ERCC8: variants seen among roughly 807,000 people sequenced by gnomAD.
The protein encoded by ERCC8 is ERCC excision repair 8, CSA ubiquitin ligase complex subunit, also known as DNA excision repair protein ERCC-8.
In ERCC8, 52 loss-of-function variants were observed where a neutral mutation model predicts 54.9. That is an observed-to-expected ratio of 0.95 (90% confidence interval 0.76 to 1.19). The LOEUF is 1.19. Ranked by LOEUF, ERCC8 falls within the 50% of genes most tolerant of loss-of-function variation. ERCC8 has a pLI of 0.00. For synonymous variants in ERCC8, 146 were observed against 157.2 expected (o/e 0.93, Z 0.53); for missense variants, 514 against 466.1 (o/e 1.10, Z -0.95).
At chr5:60,898,000 C>CA (rs1748767309) in intron 9 of ERCC8, among the ~76,000 whole-genome samples, 1 of 152,078 alleles carries the variant, frequency 6.6e-6, no homozygotes, top group Non-Finnish European at 1.5e-5. Flanking sequence ...CAGTAGTCCT[C>CA]AGTCTTTTAT....
intron 4 of ERCC8, among the ~76,000 whole-genome samples, chr5:60,908,593 T>TTTTA (rs1554073819): frequency 3.4e-5 from 5 of 148,862 alleles, no homozygotes; most frequent in Admixed American, 1.3e-4. Flanking sequence ...ATTTTTTTTT[T>TTTTA]AAATAATGGC....
rs143147836 is a variant in ERCC8 at position 60,874,645 on chromosome 5, A to G, written c.1161T>C (p.Asp387=). 1.2e-6 allele frequency: 2 copies of G among 1,613,306 alleles called. No homozygotes were observed. The change falls in exon 12 of 12, where the codon GAT becomes GAC. Residue 387 remains aspartate, a synonymous_variant. Coordinates refer to ENST00000676185, the MANE Select transcript of ERCC8 (RefSeq NM_000082.4). ...CTTCTTCATCACTGCTGCTCCAGGC[A>G]TCTTCAAAGGCCGGATTTAATTGTG... The part of the protein sequence containing the change: ...TKSQLNPAFE[D]AWSSSDEEG
intron 11 of ERCC8, among the ~76,000 whole-genome samples, chr5:60,884,521 G>GT: frequency 1.3e-5 from 1 of 75,062 alleles, no homozygotes; most frequent in East Asian, 4.7e-4. Flanking sequence ...ATGTGTGTAT[G>GT]TGTTTTTTTT....
chr5:60,918,105 A>G, intron 4 of ERCC8, 160 bp downstream of exon 4: 3 of 630,830 alleles, frequency 4.8e-6, no homozygotes, highest in East Asian at 5.8e-5. Context: ...TCAGCAGCAC[A>G]GCCAGGATAT....
At chr5:60,899,816 G>A in intron 7 of ERCC8, 89 bp from the exon 8 acceptor site, 1 of 949,646 alleles carries the variant, frequency 1.1e-6, no homozygotes, top group East Asian at 2.4e-5. Context: ...GGCACACAGA[G>A]GTCTCGTTAT....
intron 4 of ERCC8, among the ~76,000 whole-genome samples, chr5:60,915,807 T>C (rs1425784134): frequency 1.3e-5 from 2 of 151,982 alleles, no homozygotes. Flanking sequence ...CTAGGATAAT[T>C]CAGTATTATC....
At chr5:60,938,037 A>G (rs1750122409) in intron 1 of ERCC8, among the ~76,000 whole-genome samples, 1 of 16,198 alleles carries the variant, frequency 6.2e-5, no homozygotes, top group Non-Finnish European at 1.4e-4. Flanking sequence ...ACATACATAC[A>G]TACATACATA....
intron 4 of ERCC8, among the ~76,000 whole-genome samples, chr5:60,905,244 G>A (rs1181640328): frequency 1.3e-5 from 2 of 151,552 alleles, no homozygotes; most frequent in African/African-American, 4.8e-5. Flanking sequence ...CACCCAGGAC[G>A]CTGTCACTAC....
chr5:60,905,877 G>C (rs77082648), intron 4 of ERCC8, among the ~76,000 whole-genome samples: 9 of 152,220 alleles, frequency 5.9e-5, no homozygotes, highest in East Asian at 1.9e-4. Flanking sequence ...GAAGGGGTGG[G>C]AGTGGTTAGA....
chr5:60,898,217 T>G, intron 9 of ERCC8, 59 bp downstream of exon 9: 13 of 1,535,800 alleles, frequency 8.5e-6, no homozygotes, highest in South Asian at 1.1e-5. Context: ...AAAAATCAAG[T>G]GTATGTCACA....
chr5:60,907,031 G>GCTCT lies in ERCC8; in HGVS notation c.400-2162_400-2159dup, dbSNP rs1561505497. 2.6e-5 allele frequency among the ~76,000 whole-genome samples: 4 copies of GCTCT among 152,178 alleles called. No individual in the cohort carries two copies. In the South Asian group the frequency reaches 8.3e-4, roughly 31 times the overall value. ...TGAGCCCAGACTTAGCCAATCCCTTGCTCTCCTCAGGTAAAAAATCTTATA... is the reference window on the plus strand; with the variant it reads ...TGAGCCCAGACTTAGCCAATCCCTTGCTCTCTCTCCTCAGGTAAAAAATCTTATA... On this transcript the variant is annotated intron_variant, in intron 4 of 11. Transcript: ENST00000676185.
chr5:60,885,007 A>T (rs1263624111), intron 11 of ERCC8, among the ~76,000 whole-genome samples: 1 of 148,696 alleles, frequency 6.7e-6, no homozygotes, highest in East Asian at 1.9e-4. Context: ...CATCAGTCAC[A>T]TATTATCTTT....
At chr5:60,902,936 T>C (rs1267494379) in intron 6 of ERCC8, among the ~76,000 whole-genome samples, 2 of 151,996 alleles carry the variant, frequency 1.3e-5, no homozygotes, top group African/African-American at 4.8e-5. Context: ...TTATATAAAA[T>C]GTTTTTTTCT....
rs1579977131 is a variant in ERCC8 at position 60,873,551 on chromosome 5, C to T, written c.*1064G>A. ...AATTAACCGGGCGCAGTGGCGGGAG[C>T]CTGTAATCCCAGCTACTCAGGAGGC... is the stretch of plus-strand genomic sequence containing the variant. On this transcript the variant is annotated 3_prime_UTR_variant, in exon 12 of 12. Coordinates refer to ENST00000676185, the MANE Select transcript of ERCC8 (RefSeq NM_000082.4). 6.6e-6 allele frequency among the ~76,000 whole-genome samples: 1 copy of T among 152,088 alleles called. No individual in the cohort carries two copies. Among genetic ancestry groups the T allele is most frequent in the Non-Finnish European group, 1.5e-5 (1 of 68,010 alleles).
chr5:60,871,007 G>A lies in ERCC8; in HGVS notation c.*3608C>T, dbSNP rs1747851934. Among the ~76,000 whole-genome samples, 1 of 152,080 alleles carries A rather than the reference G, an allele frequency of 6.6e-6. No individual in the cohort carries two copies. The highest frequency in any genetic ancestry group is 2.4e-5 in the African/African-American group (1 of 41,412). ...CAAAGTGGCTTTGGAATTCTCAACT[G>A]CAATACCAGAAGCTAGAAAAAAGTG... On this transcript the variant is annotated 3_prime_UTR_variant, in exon 12 of 12. Transcript: ENST00000676185.
intron 7 of ERCC8, chr5:60,900,918 C>T (rs1198338205): frequency 6.6e-6 from 1 of 151,988 alleles, no homozygotes; most frequent in Non-Finnish European, 1.5e-5. Flanking sequence ...AACCTTCATA[C>T]CTCTTCAGCT....
At chr5:60,941,125 G>A (rs940437521) in intron 1 of ERCC8, among the ~76,000 whole-genome samples, 1 of 152,082 alleles carries the variant, frequency 6.6e-6, no homozygotes, top group African/African-American at 2.4e-5. Context: ...GGACCAGCCT[G>A]GGCAAAACAG....
chr5:60,926,170 C>T (rs912931621), intron 2 of ERCC8, among the ~76,000 whole-genome samples: 3 of 152,160 alleles, frequency 2.0e-5, no homozygotes, highest in Admixed American at 2.0e-4. Context: ...TTTGGCACTA[C>T]ATTCACTGAG....
chr5:60,874,536 GAATAGACCA>G lies in ERCC8; in HGVS notation c.*70_*78del, dbSNP rs1747939056. On this transcript the variant is annotated 3_prime_UTR_variant, in exon 12 of 12. Coordinates refer to ENST00000676185, the MANE Select transcript of ERCC8 (RefSeq NM_000082.4). ...CATTTAGGGCTAATTTAGCTGTCAGGAATAGACCATACAGTTGAAAAAAACACAGTCTCA... is the reference window on the plus strand; with the variant it reads ...CATTTAGGGCTAATTTAGCTGTCAGGTACAGTTGAAAAAAACACAGTCTCA... 1.6e-6 allele frequency: 2 copies of G among 1,243,922 alleles called. No individual in the cohort carries two copies. Among genetic ancestry groups the G allele is most frequent in the Middle Eastern group, 1.9e-4 (1 of 5,310 alleles). The allele number at this position is 1,243,922 out of a possible 1,614,324, so 77.1% of individuals were successfully genotyped here.
Sources: gnomAD v4.1 joint callset for allele counts (sites outside exome capture counted in the v4.1 genomes callset) on GRCh38, gnomAD v4.1.1 for gene constraint, MANE v1.5 for transcripts, NCBI Gene and HGNC (gene_info 2026-07-23, HGNC 2026-07-21) for gene names.